The following PLA2G2C variants were observed in gnomAD, a reference collection of about 807,000 sequenced individuals.
The protein encoded by PLA2G2C is putative inactive group IIC secretory phospholipase A2.
PLA2G2C carries 15 observed loss-of-function variants against 14.3 expected under a neutral mutation model. The observed-to-expected ratio is 1.05, with a 90% confidence interval of 0.70 to 1.62. The LOEUF (loss-of-function observed/expected upper bound fraction) is 1.62. Ranked by LOEUF, PLA2G2C falls within the 40% of genes most tolerant of loss-of-function variation. The pLI is 0.00. For synonymous variants in PLA2G2C, 79 were observed against 67.7 expected, an observed-to-expected ratio of 1.17 and a Z score of -0.82; for missense variants, 162 against 173.2, an observed-to-expected ratio of 0.94 and a Z score of 0.36.
chr1:20,182,268 C>T (rs772658241), intron 1 of PLA2G2C, among the ~76,000 whole-genome samples: 52 of 152,266 alleles, frequency 3.4e-4, no homozygotes, highest in Non-Finnish European at 5.6e-4. Flanking sequence ...AAGGTAGCTG[C>T]GCTATATAGG....
intron 1 of PLA2G2C, among the ~76,000 whole-genome samples, chr1:20,181,715 G>A (rs2018281944): frequency 6.6e-6 from 1 of 152,186 alleles, no homozygotes; most frequent in Admixed American, 6.5e-5. Context: ...CTCTTAATAG[G>A]AAGGTAAGCA....
At chr1:20,181,830 A>G (rs1490669627) in intron 1 of PLA2G2C, among the ~76,000 whole-genome samples, 2 of 152,178 alleles carry the variant, frequency 1.3e-5, no homozygotes, top group South Asian at 2.1e-4. Context: ...GAGCACAATT[A>G]TTGACTGCGA....
At chr1:20,174,855 C>T (rs2018150578) in intron 3 of PLA2G2C, among the ~76,000 whole-genome samples, 152 bp downstream of exon 3, 1 of 152,182 alleles carries the variant, frequency 6.6e-6, no homozygotes, top group African/African-American at 2.4e-5. Flanking sequence ...TCTCAAGACC[C>T]ATCCTCCAAA....
At chr1:20,166,767 C>A (rs879431589) in intron 4 of PLA2G2C, among the ~76,000 whole-genome samples, 1 of 152,164 alleles carries the variant, frequency 6.6e-6, no homozygotes, top group Non-Finnish European at 1.5e-5. Context: ...CTTTCTAATG[C>A]GTGCATCTGA....
chr1:20,175,939 C>T (rs2018176110), intron 2 of PLA2G2C, among the ~76,000 whole-genome samples: 4 of 138,366 alleles, frequency 2.9e-5, no homozygotes, highest in Admixed American at 7.6e-5. Flanking sequence ...GACGGAGTTT[C>T]GCTGTTGTTA....
At chr1:20,184,814 GGT>G (rs1240494583) in intron 1 of PLA2G2C, among the ~76,000 whole-genome samples, 1 of 152,034 alleles carries the variant, frequency 6.6e-6, no homozygotes, top group African/African-American at 2.4e-5. Flanking sequence ...GAGAGGGAGA[GGT>G]GGGAGGTTTC....
chr1:20,165,824 T>TGC (rs201520500), intron 4 of PLA2G2C, among the ~76,000 whole-genome samples: 8 of 152,012 alleles, frequency 5.3e-5, no homozygotes, highest in Middle Eastern at 3.2e-3. Context: ...TGTGTGTGTG[T>TGC]GCGCGCGCGC....
intron 1 of PLA2G2C, among the ~76,000 whole-genome samples, chr1:20,178,131 G>A (rs1251569680): frequency 6.6e-6 from 1 of 152,192 alleles, no homozygotes; most frequent in South Asian, 2.1e-4. Context: ...ACTATCAAAT[G>A]CAGTCATAGG....
At chr1:20,177,710 T>G (rs577713506) in intron 1 of PLA2G2C, among the ~76,000 whole-genome samples, 125 of 152,308 alleles carry the variant, frequency 8.2e-4, no homozygotes, top group Middle Eastern at 6.8e-3. Flanking sequence ...TCTTTTTTTC[T>G]TTTGAGGAGT....
At chr1:20,170,704 G>GAAAA (rs1264350969) in intron 4 of PLA2G2C, among the ~76,000 whole-genome samples, 2 of 95,896 alleles carry the variant, frequency 2.1e-5, no homozygotes, top group Admixed American at 9.1e-5. Context: ...TGAGGAGGCG[G>GAAAA]GTGCTGATGC....
chr1:20,177,437 C>G lies in PLA2G2C; in HGVS notation c.-74G>C. On this transcript the variant is annotated splice_region_variant and 5_prime_UTR_variant, in exon 2 of 5. Coordinates refer to ENST00000679259, the MANE Select transcript of PLA2G2C (RefSeq NM_001367969.2). ...GTGTGTGAGGGGTCTCCCAGCTGAA[C>G]CTCTGTTCCAGGACAAAATGACCAA... 1 of 607,186 alleles carries G rather than the reference C, an allele frequency of 1.6e-6. No homozygotes were observed. Among genetic ancestry groups the G allele is most frequent in the Admixed American group, 3.0e-5 (1 of 33,590 alleles). The allele number at this position is 607,186 out of a possible 1,614,324, so 37.6% of individuals were successfully genotyped here. A position where few individuals can be genotyped will look rare whatever the true frequency, so the allele number is the denominator to read the frequency against.
At chr1:20,168,261 A>G (rs1200184620) in intron 4 of PLA2G2C, among the ~76,000 whole-genome samples, 1 of 152,212 alleles carries the variant, frequency 6.6e-6, no homozygotes, top group Non-Finnish European at 1.5e-5. Context: ...TGCCTATTTC[A>G]TGAGTGCTTT....
intron 4 of PLA2G2C, among the ~76,000 whole-genome samples, chr1:20,170,305 T>C (rs1262852006): frequency 1.3e-5 from 2 of 152,230 alleles, no homozygotes; most frequent in African/African-American, 4.8e-5. Flanking sequence ...CATCTTAATC[T>C]TGTCTGTTTC....
At position 20,163,931 on chromosome 1, in the gene PLA2G2C, C is replaced by T. The variant is rs139778936; in HGVS notation, c.*60G>A. 2.4e-5 allele frequency: 37 copies of T among 1,528,852 alleles called. No homozygotes were observed. The East Asian group carries it at 8.5e-4, about 35-fold the overall frequency. The allele number at this position is 1,528,852 out of a possible 1,614,324, so 94.7% of individuals were successfully genotyped here. A position where few individuals can be genotyped will look rare whatever the true frequency, so the allele number is the denominator to read the frequency against. ...GCCTGTTGGGGATGATCTGAGAAGGCTTCCTGGAAGAGCAACACTAGAGCG... is the reference window on the plus strand; with the variant it reads ...GCCTGTTGGGGATGATCTGAGAAGGTTTCCTGGAAGAGCAACACTAGAGCG... On this transcript the variant is annotated 3_prime_UTR_variant, in exon 5 of 5. Transcript: ENST00000679259.
In PLA2G2C at chr1:20,163,615, T is replaced by A. The variant is rs565575363; in HGVS notation, c.*376A>T. The A allele has an allele frequency of 6.1e-6, 1 of 163,482 alleles. No individual in the cohort carries two copies. The highest frequency in any genetic ancestry group is 1.8e-4 in the South Asian group (1 of 5,484). The allele number at this position is 163,482 out of a possible 1,614,324, so 10.1% of individuals were successfully genotyped here. A position where few individuals can be genotyped will look rare whatever the true frequency, so the allele number is the denominator to read the frequency against. On this transcript the variant is annotated 3_prime_UTR_variant, in exon 5 of 5. Coordinates refer to ENST00000679259, the MANE Select transcript of PLA2G2C (RefSeq NM_001367969.2). ...GGGGTAGATCCTGGGGCTTCTCCCC[T>A]CCTGGAAACCCTGGGATGTGGGGTT... is the stretch of plus-strand genomic sequence containing the variant.
chr1:20,172,320 TAAC>T (rs1283505877), intron 4 of PLA2G2C, among the ~76,000 whole-genome samples: 1 of 152,184 alleles, frequency 6.6e-6, no homozygotes, highest in African/African-American at 2.4e-5. Flanking sequence ...ATGGTCTCAG[TAAC>T]ATGTGAGTCC....
intron 4 of PLA2G2C, among the ~76,000 whole-genome samples, chr1:20,170,426 T>C (rs2018051435): frequency 6.6e-6 from 1 of 152,156 alleles, no homozygotes; most frequent in South Asian, 2.1e-4. Flanking sequence ...CACAAGACTG[T>C]GAATGCCAGA....
chr1:20,180,013 T>A (rs559023744), intron 1 of PLA2G2C, among the ~76,000 whole-genome samples: 5 of 151,798 alleles, frequency 3.3e-5, no homozygotes, highest in Non-Finnish European at 7.4e-5. Context: ...TATGTCAGCT[T>A]CTCCCTTGTG....
chr1:20,164,823 G>A (rs1056258590), intron 4 of PLA2G2C, among the ~76,000 whole-genome samples: 3 of 152,214 alleles, frequency 2.0e-5, no homozygotes, highest in African/African-American at 4.8e-5. Flanking sequence ...GTCTGCCAGC[G>A]GGTCCCGCTA....
Sources: gnomAD v4.1 joint callset for allele counts (sites outside exome capture counted in the v4.1 genomes callset) on GRCh38, gnomAD v4.1.1 for gene constraint, MANE v1.5 for transcripts, NCBI Gene and HGNC (gene_info 2026-07-23, HGNC 2026-07-21) for gene names.